Variants in SPMIP4 observed in about 807,000 individuals in gnomAD.
SPMIP4 encodes sperm microtubule inner protein 4, also known as sperm-associated microtubule inner protein 4.
chr7:25,155,908 A>C, the SPMIP4 span, among the ~76,000 whole-genome samples: 19 of 152,342 alleles, frequency 1.2e-4, no homozygotes, highest in African/African-American at 4.6e-4. Flanking sequence ...AATGTTATTC[A>C]TAACAAGAAA....
the SPMIP4 span, chr7:25,134,795 C>G: frequency 0.014 from 13,391 of 985,348 alleles, 99 homozygotes; most frequent in Middle Eastern, 0.022. Flanking sequence ...TCCCTCACTT[C>G]AGACACTCCC....
At chr7:25,163,449 C>T in the SPMIP4 span, among the ~76,000 whole-genome samples, 2 of 152,118 alleles carry the variant, frequency 1.3e-5, no homozygotes, top group African/African-American at 2.4e-5. The surrounding 1 kb of genome is among the most constrained non-coding windows in gnomAD (Gnocchi z 4.4). Flanking sequence ...GAATGCTCAC[C>T]TAGAGAAACA....
At chr7:25,170,397 C>T in the SPMIP4 span, among the ~76,000 whole-genome samples, 11 of 152,212 alleles carry the variant, frequency 7.2e-5, no homozygotes, top group Admixed American at 2.6e-4. Context: ...CTTATTTTTG[C>T]GTTACAAGAG....
chr7:25,156,844 C>T, the SPMIP4 span, among the ~76,000 whole-genome samples: 1 of 152,182 alleles, frequency 6.6e-6, no homozygotes, highest in Non-Finnish European at 1.5e-5. Context: ...CTCACCACCA[C>T]ACCCAACTAA....
At chr7:25,153,442 C>T in the SPMIP4 span, among the ~76,000 whole-genome samples, 476 of 151,860 alleles carry the variant, frequency 3.1e-3, 1 homozygote, top group Non-Finnish European at 4.5e-3. Context: ...TGTGGTGGCA[C>T]GTGCCTATAG....
the SPMIP4 span, among the ~76,000 whole-genome samples, chr7:25,146,162 G>C: frequency 6.6e-6 from 1 of 152,170 alleles, no homozygotes; most frequent in Non-Finnish European, 1.5e-5. Flanking sequence ...GAGAGAGAGA[G>C]ATGGAGAGAG....
At chr7:25,172,594 G>A in the SPMIP4 span, among the ~76,000 whole-genome samples, 1 of 152,180 alleles carries the variant, frequency 6.6e-6, no homozygotes, top group Non-Finnish European at 1.5e-5. The surrounding 1 kb of genome is among the most constrained non-coding windows in gnomAD (Gnocchi z 4.2). Flanking sequence ...GGATGACTGA[G>A]TTTCACATCT....
chr7:25,155,271 T>G, the SPMIP4 span: 1 of 1,303,902 alleles, frequency 7.7e-7, no homozygotes, highest in South Asian at 1.6e-5. Flanking sequence ...ATCAAAAATT[T>G]ATTGGGACCC....
At chr7:25,135,564 T>G in the SPMIP4 span, 1 of 933,992 alleles carries the variant, frequency 1.1e-6, no homozygotes, top group Non-Finnish European at 1.3e-6. Flanking sequence ...TCATTTTTAT[T>G]AAGATACTAT....
the SPMIP4 span, among the ~76,000 whole-genome samples, chr7:25,131,191 A>G: frequency 6.6e-6 from 1 of 152,240 alleles, no homozygotes; most frequent in Non-Finnish European, 1.5e-5. This position sits in a 1 kb window ranked among gnomAD's most constrained non-coding sequence, Gnocchi z 4.2. Flanking sequence ...TCCTTATGAG[A>G]ATCTAATGCC....
chr7:25,153,563 CA>C, the SPMIP4 span, among the ~76,000 whole-genome samples: 237 of 140,894 alleles, frequency 1.7e-3, 1 homozygote, highest in African/African-American at 4.6e-3. Context: ...GACTCCGTCT[CA>C]AAAAAAAAAA....
At chr7:25,175,062 A>T in the SPMIP4 span, among the ~76,000 whole-genome samples, 1 of 152,118 alleles carries the variant, frequency 6.6e-6, no homozygotes, top group Admixed American at 6.6e-5. Flanking sequence ...AGTAGTTCTC[A>T]ATGTAAGCTG....
chr7:25,137,669 C>T, the SPMIP4 span, among the ~76,000 whole-genome samples: 632 of 152,248 alleles, frequency 4.2e-3, 8 homozygotes, highest in African/African-American at 0.015. Context: ...TTCATGTTCA[C>T]AAGACATTCT....
chr7:25,147,675 A>G, the SPMIP4 span, among the ~76,000 whole-genome samples: 1 of 152,214 alleles, frequency 6.6e-6, no homozygotes, highest in Non-Finnish European at 1.5e-5. Flanking sequence ...TATGTGGAAT[A>G]TTCTCCTTTC....
At chr7:25,142,682 C>T in the SPMIP4 span, 1 of 1,613,206 alleles carries the variant, frequency 6.2e-7, no homozygotes, top group East Asian at 2.2e-5. Flanking sequence ...TGGGACCTCT[C>T]AAGATTTCTT....
the SPMIP4 span, among the ~76,000 whole-genome samples, chr7:25,131,775 G>A: frequency 6.6e-6 from 1 of 152,184 alleles, no homozygotes; most frequent in Non-Finnish European, 1.5e-5. The surrounding 1 kb of genome is among the most constrained non-coding windows in gnomAD (Gnocchi z 4.2). Context: ...AGAGAACCAT[G>A]GAACCCAGTG....
At chr7:25,175,852 TC>T in the SPMIP4 span, among the ~76,000 whole-genome samples, 4 of 152,144 alleles carry the variant, frequency 2.6e-5, no homozygotes, top group Non-Finnish European at 5.9e-5. Context: ...GTTATCACCG[TC>T]CAGAGCCGTT....
the SPMIP4 span, among the ~76,000 whole-genome samples, chr7:25,152,441 T>C: frequency 2.0e-5 from 3 of 152,226 alleles, no homozygotes; most frequent in South Asian, 2.1e-4. Context: ...CTGGTGTTTA[T>C]TGAACACTTA....
At chr7:25,153,496 CG>C in the SPMIP4 span, among the ~76,000 whole-genome samples, 1 of 150,106 alleles carries the variant, frequency 6.7e-6, no homozygotes, top group Non-Finnish European at 1.5e-5. Context: ...CACTTGGACC[CG>C]GGAAGCAGAG....
Sources: allele counts gnomAD v4.1 joint callset (sites outside exome capture counted in the v4.1 genomes callset), GRCh38; gene constraint gnomAD v4.1.1; non-coding constraint Gnocchi (gnomAD v3.1); transcripts MANE v1.5; gene names NCBI Gene and HGNC (gene_info 2026-07-23, HGNC 2026-07-21).